The following PDE8A variants were observed in gnomAD, a reference collection of about 807,000 sequenced individuals.
PDE8A encodes high affinity cAMP-specific and IBMX-insensitive 3',5'-cyclic phosphodiesterase 8A.
A neutral mutation model predicts 105.0 loss-of-function variants in PDE8A; 59 were observed. That is an observed-to-expected ratio of 0.56 (90% CI 0.46 to 0.70). The LOEUF (loss-of-function observed/expected upper bound fraction) is 0.70. Ranked by LOEUF, PDE8A falls within the 30% of genes least tolerant of loss-of-function variation. The probability of loss-of-function intolerance (pLI) is 0.00; values close to 1 mark genes in which losing one functional copy is unlikely to be tolerated. For missense variants in PDE8A, 1,014 were observed against 1,045.9 expected, an observed-to-expected ratio of 0.97 and a Z score of 0.42; for synonymous variants, 355 against 371.9, an observed-to-expected ratio of 0.95 and a Z score of 0.52.
intron 1 of PDE8A, among the ~76,000 whole-genome samples, chr15:85,033,360 T>C (rs1171113150): frequency 6.6e-6 from 1 of 152,086 alleles, no homozygotes; most frequent in African/African-American, 2.4e-5. Context: ...GTAGTACTTG[T>C]AGGGAGAGGT....
intron 6 of PDE8A, among the ~76,000 whole-genome samples, chr15:85,088,165 G>A (rs748522937): frequency 1.4e-4 from 22 of 152,146 alleles, no homozygotes; most frequent in Non-Finnish European, 2.5e-4. Context: ...GATTACAGGC[G>A]CCTGCCACCA....
chr15:85,004,585 A>T (rs2122858), intron 1 of PDE8A, among the ~76,000 whole-genome samples: 12 of 152,172 alleles, frequency 7.9e-5, no homozygotes, highest in African/African-American at 2.9e-4. Flanking sequence ...AATCCACTCT[A>T]TCGCCTAATA....
At chr15:85,027,681 G>A (rs1034837620) in intron 1 of PDE8A, among the ~76,000 whole-genome samples, 2 of 152,164 alleles carry the variant, frequency 1.3e-5, no homozygotes, top group African/African-American at 2.4e-5. Context: ...TTTTGCTCAC[G>A]TATGTTAGGA....
chr15:85,098,068 A>G (rs1041394566), intron 9 of PDE8A, 32 bp downstream of exon 9: 3 of 1,246,384 alleles, frequency 2.4e-6, no homozygotes, highest in Admixed American at 1.7e-5. Flanking sequence ...ATCAATCAAC[A>G]TACAGTGTTT....
chr15:85,018,490 C>T (rs963888108), intron 1 of PDE8A, among the ~76,000 whole-genome samples: 6 of 152,192 alleles, frequency 3.9e-5, no homozygotes, highest in Admixed American at 3.9e-4. Context: ...TAGGGGCAAA[C>T]CATGATCTAT....
chr15:85,014,024 T>G (rs572764700), intron 1 of PDE8A, among the ~76,000 whole-genome samples: 14 of 152,330 alleles, frequency 9.2e-5, no homozygotes, highest in Non-Finnish European at 1.6e-4. Context: ...AGACTACATA[T>G]TGTCAGTTCC....
At position 85,106,371 on chromosome 15, in the gene PDE8A, A is replaced by G. The variant is rs184905325; in HGVS notation, c.1037-2682A>G. Reference sequence around the variant, plus strand: ...TCCTAGTTTACCCACCCTTTTCCCCACTGACCATCTCCTTTCGAGTTCATG... The same window carrying G: ...TCCTAGTTTACCCACCCTTTTCCCCGCTGACCATCTCCTTTCGAGTTCATG... On this transcript the variant is annotated intron_variant, in intron 11 of 21. Coordinates refer to ENST00000394553, the MANE Select transcript of PDE8A (RefSeq NM_002605.3). 4.0e-5 allele frequency among the ~76,000 whole-genome samples: 6 copies of G among 151,776 alleles called. No individual in the cohort carries two copies. In the East Asian group the frequency reaches 1.2e-3, roughly 29 times the overall value.
intron 3 of PDE8A, 133 bp downstream of exon 3, chr15:85,067,337 A>G (rs773656489): frequency 1.8e-4 from 101 of 576,946 alleles, no homozygotes; most frequent in Middle Eastern, 4.6e-4. Context: ...AAATATTAGA[A>G]CCTCACTATT....
intron 1 of PDE8A, among the ~76,000 whole-genome samples, chr15:84,993,172 G>GCA (rs2079912273): frequency 3.3e-5 from 5 of 151,902 alleles, no homozygotes; most frequent in Non-Finnish European, 7.4e-5. Flanking sequence ...GGCTGGGCGT[G>GCA]GTGGCTCATG....
intron 1 of PDE8A, among the ~76,000 whole-genome samples, chr15:84,988,868 T>G (rs1161593396): frequency 6.6e-6 from 1 of 152,240 alleles, no homozygotes; most frequent in Non-Finnish European, 1.5e-5. Context: ...CCCAAAGTGC[T>G]TGGCACACTT....
chr15:85,003,890 G>T (rs1224092702), intron 1 of PDE8A, among the ~76,000 whole-genome samples: 1 of 152,130 alleles, frequency 6.6e-6, no homozygotes, highest in Non-Finnish European at 1.5e-5. Context: ...TTCTATCTGT[G>T]GCTCTTTTAT....
At chr15:85,025,708 A>T (rs17611075) in intron 1 of PDE8A, among the ~76,000 whole-genome samples, 11,617 of 152,298 alleles carry the variant, frequency 0.076, 610 homozygotes, top group Non-Finnish European at 0.12. Flanking sequence ...AAGTGGATAG[A>T]GGTACATAGG....
At chr15:85,092,920 C>CT (rs5814181) in intron 8 of PDE8A, among the ~76,000 whole-genome samples, 13 of 132,044 alleles carry the variant, frequency 9.8e-5, no homozygotes, top group Admixed American at 1.5e-4. Context: ...TACTGCTTTC[C>CT]TTTTTTTTTT....
chr15:85,108,148 A>G (rs1356919436), intron 11 of PDE8A, among the ~76,000 whole-genome samples: 1 of 152,212 alleles, frequency 6.6e-6, no homozygotes, highest in Admixed American at 6.5e-5. Context: ...GTGCCCACAG[A>G]GAAGAGGATT....
chr15:85,113,857 T>C lies in PDE8A; in HGVS notation c.1186-16T>C. On this transcript the variant is annotated splice_polypyrimidine_tract_variant and intron_variant, in intron 13 of 21. Transcript: ENST00000394553. ...TTAAGGTTATGAAACTCAAGTATTT[T>C]CTTTCCATAATGTAGGTAATCAATA... 1.3e-6 allele frequency: 2 copies of C among 1,597,888 alleles called. No individual in the cohort carries two copies. The highest frequency in any genetic ancestry group is 1.7e-6 in the Non-Finnish European group (2 of 1,167,954).
chr15:85,082,350 C>T (rs904776235), intron 5 of PDE8A, among the ~76,000 whole-genome samples: 5 of 152,002 alleles, frequency 3.3e-5, no homozygotes, highest in Admixed American at 3.3e-4. Flanking sequence ...TACATTTATG[C>T]AGCAGTTTGT....
At chr15:85,025,898 A>C (rs2080508436) in intron 1 of PDE8A, among the ~76,000 whole-genome samples, 2 of 152,238 alleles carry the variant, frequency 1.3e-5, no homozygotes, top group Non-Finnish European at 2.9e-5. Flanking sequence ...TTTGATGCTG[A>C]CCATATATAT....
Position 85,126,329 on chromosome 15 carries a change from C to T in PDE8A, c.2208C>T (p.Tyr736=), listed in dbSNP as rs138211544. 127 of 1,609,462 alleles carry T rather than the reference C, an allele frequency of 7.9e-5. No homozygotes were observed. The highest frequency in any genetic ancestry group is 6.0e-5 in the Non-Finnish European group (71 of 1,177,862). Residue 736 remains tyrosine, a synonymous_variant, in exon 20 of 22, where the codon TAC becomes TAT. Coordinates refer to ENST00000394553, the MANE Select transcript of PDE8A (RefSeq NM_002605.3). ...DVSNPCRPLQ[Y]CIEWAARISE... is the part of the protein sequence containing the mutation. ...CCAATCCCTGCCGACCCCTGCAGTACTGCATCGAGTGGGCTGCACGCATTT... is the reference window on the plus strand; with the variant it reads ...CCAATCCCTGCCGACCCCTGCAGTATTGCATCGAGTGGGCTGCACGCATTT...
chr15:85,023,556 G>A (rs980020249), intron 1 of PDE8A, among the ~76,000 whole-genome samples: 1 of 152,190 alleles, frequency 6.6e-6, no homozygotes, highest in Non-Finnish European at 1.5e-5. Context: ...GTAAAAGAGT[G>A]AATGTCTTGA....
Sources: gnomAD v4.1 joint callset for allele counts (sites outside exome capture counted in the v4.1 genomes callset) on GRCh38, gnomAD v4.1.1 for gene constraint, MANE v1.5 for transcripts, NCBI Gene and HGNC (gene_info 2026-07-23, HGNC 2026-07-21) for gene names.